Variants in WTAP observed in about 807,000 individuals in gnomAD.
WTAP encodes the protein WT1 associated protein.
Under a neutral mutation model 50.0 loss-of-function variants are expected in WTAP, and 8 were observed. That is an observed-to-expected ratio of 0.16 (90% CI 0.09 to 0.29). The LOEUF is 0.29. Among genes scored for constraint, WTAP ranks in the 10% least tolerant of loss-of-function variants. The pLI, the probability that WTAP is intolerant of heterozygous loss-of-function variation, is 1.00. For synonymous variants in WTAP, 194 were observed against 169.0 expected, an observed-to-expected ratio of 1.15 and a Z score of -1.15; for missense variants, 295 against 470.7, an observed-to-expected ratio of 0.63 and a Z score of 3.45.
Position 159,753,466 on chromosome 6 carries a change from A to C in WTAP, c.459A>C (p.Thr153=), listed in dbSNP as rs1476476699. 1.2e-6 allele frequency: 2 copies of C among 1,614,212 alleles called. No homozygotes were observed. The highest frequency in any genetic ancestry group is 1.1e-5 in the South Asian group (1 of 91,082). Residue 153 remains threonine (T), a synonymous_variant, in exon 7 of 8, where the codon ACA becomes ACC. Transcript: ENST00000621533. ...ATGGCTCTTTCCTTTGCAGCCAAAC[A>C]GGGAAAAAGTTAATGGCGAAGTGTC... ...SAWKFTPDSQ[T]GKKLMAKCRM...
chr6:159,727,436 G>A, upstream of WTAP: 1 of 1,162,770 alleles, frequency 8.6e-7, no homozygotes, highest in South Asian at 1.6e-5. Context: ...CGTTCGGACC[G>A]GCTGTGGGGC....
In WTAP at chr6:159,736,240, C is replaced by T. The variant is rs774404692; in HGVS notation, c.-8-18C>T. ...AAGAAAATAAATTGAACTTGTTTTC[C>T]GCAACTTTTTTTTTTAGGATTCAAG... On this transcript the variant is annotated intron_variant, in intron 1 of 7. Coordinates refer to ENST00000621533, the MANE Select transcript of WTAP (RefSeq NM_001270531.2). 52 of 1,575,950 alleles carry T rather than the reference C, an allele frequency of 3.3e-5. No individual in the cohort carries two copies. Among genetic ancestry groups the T allele is most frequent in the African/African-American group, 9.6e-5 (7 of 73,238 alleles).
chr6:159,744,810 T>C (rs746389209), intron 5 of WTAP, among the ~76,000 whole-genome samples: 16 of 152,088 alleles, frequency 1.1e-4, no homozygotes, highest in Non-Finnish European at 2.2e-4. Flanking sequence ...GCTTCCCGAG[T>C]AACTGATTTC....
intron 3 of WTAP, chr6:159,741,571 G>T (rs537107177): frequency 2.0e-5 from 3 of 152,324 alleles, no homozygotes; most frequent in African/African-American, 7.2e-5. Flanking sequence ...TGAATCTGGG[G>T]TTTGATCTCA....
intron 7 of WTAP, 77 bp from the exon 8 acceptor site, chr6:159,754,951 C>CT: frequency 1.4e-6 from 2 of 1,411,144 alleles, no homozygotes; most frequent in Non-Finnish European, 1.9e-6. Flanking sequence ...GACTCCCTTG[C>CT]TTTGTGGCAG....
At chr6:159,740,787 G>A (rs1300277739) in intron 3 of WTAP, among the ~76,000 whole-genome samples, 4 of 148,068 alleles carry the variant, frequency 2.7e-5, no homozygotes, top group Non-Finnish European at 5.9e-5. Flanking sequence ...CACTGCAACC[G>A]CCGCCTCCCG....
intron 5 of WTAP, among the ~76,000 whole-genome samples, chr6:159,744,199 T>G (rs1779426884): frequency 6.6e-6 from 1 of 152,202 alleles, no homozygotes; most frequent in South Asian, 2.1e-4. Flanking sequence ...TTTTTCCTAG[T>G]GTCAGCAACC....
chr6:159,753,608 C>G lies in WTAP; in HGVS notation c.601C>G (p.Gln201Glu). Residue 201 changes from glutamine to glutamate, a missense_variant, in exon 7 of 8, where the codon CAG becomes GAG. Around this residue, in one of 2 missense-constraint regions of WTAP, gnomAD observed 120 missense variants for 287.6 expected, o/e 0.42. Coordinates refer to ENST00000621533, the MANE Select transcript of WTAP (RefSeq NM_001270531.2). Reference protein sequence around the residue: ...KKYSEELKSSQDELNDFIIQL... With the variant: ...KKYSEELKSSEDELNDFIIQL... ...ATACAGTGAGGAGCTTAAAAGCAGT[C>G]AGGATGGTAAGGGGTTTGTTTCTTT... The G allele has an allele frequency of 1.2e-6, 2 of 1,608,996 alleles. No individual in the cohort carries two copies. Among genetic ancestry groups the G allele is most frequent in the Non-Finnish European group, 1.7e-6 (2 of 1,176,998 alleles).
At chr6:159,730,327 A>G (rs1420771911) in intron 1 of WTAP, among the ~76,000 whole-genome samples, 1 of 152,204 alleles carries the variant, frequency 6.6e-6, no homozygotes, top group Non-Finnish European at 1.5e-5. Flanking sequence ...AAATGATGTT[A>G]TGGTCATTCT....
intron 2 of WTAP, 67 bp downstream of exon 2, chr6:159,736,362 T>TA (rs988385388): frequency 7.1e-4 from 832 of 1,168,700 alleles, no homozygotes; most frequent in Non-Finnish European, 8.8e-4. Context: ...TTAAGCACTT[T>TA]AAAAAAAAAT....
At chr6:159,727,093 C>A, upstream of WTAP, 1 of 1,194,678 alleles carries the variant, frequency 8.4e-7, no homozygotes, top group Non-Finnish European at 1.1e-6. Context: ...CCTCCGACCT[C>A]GCTGGCCCGC....
chr6:159,735,654 C>G lies in WTAP; in HGVS notation c.-8-604C>G, dbSNP rs145507274. The stretch of plus-strand genomic sequence containing the variant: ...GTCCCAGCTATTTAGGGGGCTGAGG[C>G]AGGAGAATTGCTTGAACCCTGGAGG... On this transcript the variant is annotated intron_variant, in intron 1 of 7. Transcript: ENST00000621533. Among the ~76,000 whole-genome samples, 601 of 152,160 alleles carry G rather than the reference C, an allele frequency of 3.9e-3. 8 individuals are homozygous for G. The highest frequency in any genetic ancestry group is 0.014 in the African/African-American group (578 of 41,500).
chr6:159,739,448 TAA>T (rs1779110121), intron 3 of WTAP, among the ~76,000 whole-genome samples: 1 of 152,242 alleles, frequency 6.6e-6, no homozygotes, highest in South Asian at 2.1e-4. Context: ...TTCTCATCTG[TAA>T]GTTGAAGAGG....
chr6:159,751,867 G>A (rs1426807602), intron 6 of WTAP, among the ~76,000 whole-genome samples: 1 of 152,118 alleles, frequency 6.6e-6, no homozygotes. Flanking sequence ...TTTGAGACCA[G>A]CCTGGGCAAC....
At chr6:159,734,342 A>C (rs1326509204) in intron 1 of WTAP, among the ~76,000 whole-genome samples, 1 of 148,162 alleles carries the variant, frequency 6.7e-6, no homozygotes, top group Admixed American at 6.9e-5. Context: ...ATGCCACAGC[A>C]CTCCAGCCTG....
At chr6:159,740,464 C>G (rs1779184776) in intron 3 of WTAP, among the ~76,000 whole-genome samples, 2 of 152,160 alleles carry the variant, frequency 1.3e-5, no homozygotes, top group Admixed American at 6.5e-5. Flanking sequence ...TCTGTGCCTT[C>G]TATCCTTGTG....
At chr6:159,741,904 T>G (rs1779279306) in intron 3 of WTAP, 184 bp from the exon 4 acceptor site, 1 of 483,944 alleles carries the variant, frequency 2.1e-6, no homozygotes, top group Non-Finnish European at 3.7e-6. Context: ...AGACCCTGTT[T>G]GCGCCACGCT....
chr6:159,742,045 CTA>C (rs748460821), intron 3 of WTAP, 41 bp from the exon 4 acceptor site: 39 of 1,371,228 alleles, frequency 2.8e-5, no homozygotes, highest in South Asian at 2.7e-4. Flanking sequence ...ATTTAATAAA[CTA>C]TTTTATCGTA....
rs577948287 is a variant in WTAP, at chr6:159,734,239, C to G, written c.-8-2019C>G. ...ACATTGCCCGGGCTCGGTTCAAACT[C>G]CTAGGCTCAAGCAGCTCTCCTGCCT... On this transcript the variant is annotated intron_variant, in intron 1 of 7. Transcript: ENST00000621533. 2.6e-5 allele frequency among the ~76,000 whole-genome samples: 4 copies of G among 152,008 alleles called. No homozygotes were observed. The South Asian group carries it at 6.2e-4, about 24-fold the overall frequency.
Sources: allele counts gnomAD v4.1 joint callset (sites outside exome capture counted in the v4.1 genomes callset), GRCh38; gene constraint gnomAD v4.1.1; regional missense constraint gnomAD v4.1.1; transcripts MANE v1.5; gene names NCBI Gene and HGNC (gene_info 2026-07-23, HGNC 2026-07-21).